ARHGEF3: variants seen among roughly 807,000 people sequenced by gnomAD.
ARHGEF3 encodes 59.8 kDA protein.
In ARHGEF3, 28 loss-of-function variants were observed where a neutral mutation model predicts 63.2. That is an observed-to-expected ratio of 0.44 (90% CI 0.33 to 0.61). ARHGEF3 has a LOEUF of 0.61. Ranked by LOEUF, ARHGEF3 falls within the 20% of genes least tolerant of loss-of-function variation. The probability of loss-of-function intolerance (pLI) is 0.03; values close to 1 mark genes in which losing one functional copy is unlikely to be tolerated. For missense variants in ARHGEF3, 533 were observed against 659.3 expected, an observed-to-expected ratio of 0.81 and a Z score of 2.10; for synonymous variants, 266 against 254.2, an observed-to-expected ratio of 1.05 and a Z score of -0.44.
At chr3:56,776,537 G>A (rs775021481) in intron 1 of ARHGEF3, among the ~76,000 whole-genome samples, 3 of 152,114 alleles carry the variant, frequency 2.0e-5, no homozygotes, top group African/African-American at 4.8e-5. Context: ...ATGAATTATG[G>A]TGTTCTCCTT....
At chr3:56,796,186 T>C (rs182340676) in intron 1 of ARHGEF3, among the ~76,000 whole-genome samples, 1 of 152,290 alleles carries the variant, frequency 6.6e-6, no homozygotes, top group African/African-American at 2.4e-5. Context: ...TCAATAACAA[T>C]TACATTTACA....
intron 2 of ARHGEF3, among the ~76,000 whole-genome samples, chr3:57,009,920 G>A (rs143989125): frequency 2.6e-5 from 4 of 152,186 alleles, no homozygotes; most frequent in East Asian, 3.9e-4. Flanking sequence ...GGGTATTCTC[G>A]TCATACCCAT....
chr3:57,043,946 G>A (rs1411296807), intron 1 of ARHGEF3, among the ~76,000 whole-genome samples: 1 of 152,228 alleles, frequency 6.6e-6, no homozygotes. Context: ...ATGGGAGATT[G>A]CTGGGGCAAG....
intron 1 of ARHGEF3, among the ~76,000 whole-genome samples, chr3:57,050,247 C>T (rs1419084896): frequency 6.6e-6 from 1 of 152,238 alleles, no homozygotes; most frequent in Non-Finnish European, 1.5e-5. Flanking sequence ...TAAACCTCTG[C>T]AAGGGTTTCC....
At chr3:56,927,279 A>C (rs537394019) in intron 3 of ARHGEF3, among the ~76,000 whole-genome samples, 9 of 152,330 alleles carry the variant, frequency 5.9e-5, no homozygotes, top group African/African-American at 2.2e-4. Flanking sequence ...TAACAATTGC[A>C]GTTTCCTAGA....
intron 2 of ARHGEF3, among the ~76,000 whole-genome samples, chr3:56,968,178 A>AT (rs1473982128): frequency 0.01 from 182 of 17,760 alleles, 3 homozygotes; most frequent in African/African-American, 0.022. Flanking sequence ...TAATATATAT[A>AT]AAAATATATA....
intron 4 of ARHGEF3, among the ~76,000 whole-genome samples, chr3:56,816,303 C>T (rs1248682213): frequency 1.3e-5 from 2 of 152,170 alleles, no homozygotes; most frequent in Non-Finnish European, 2.9e-5. Context: ...TTCTGTGCAA[C>T]CCTGGCCAAA....
intron 4 of ARHGEF3, among the ~76,000 whole-genome samples, chr3:56,872,337 T>A (rs1277187947): frequency 6.6e-6 from 1 of 152,204 alleles, no homozygotes; most frequent in Non-Finnish European, 1.5e-5. Flanking sequence ...TATAGATAAA[T>A]GTATATAAAC....
chr3:57,046,998 C>T (rs763035894), intron 1 of ARHGEF3, among the ~76,000 whole-genome samples: 1 of 152,158 alleles, frequency 6.6e-6, no homozygotes, highest in Non-Finnish European at 1.5e-5. Context: ...ATTAAAACAT[C>T]TATATTGCAA....
In ARHGEF3 at chr3:56,766,381, A is replaced by G. The variant is rs375459544; in HGVS notation, c.204+7328T>C. Among the ~76,000 whole-genome samples, 3 of 152,186 alleles carry G rather than the reference A, an allele frequency of 2.0e-5. No individual in the cohort carries two copies. In the East Asian group the frequency reaches 5.8e-4, roughly 29 times the overall value. Reference sequence around the variant, plus strand: ...AGAAACCCTTCTTTGCCATAGCAATACTTCCTGGAGGGGCTACAACTGGGG... The same window carrying G: ...AGAAACCCTTCTTTGCCATAGCAATGCTTCCTGGAGGGGCTACAACTGGGG... On this transcript the variant is annotated intron_variant, in intron 2 of 9. Transcript: ENST00000296315.
At chr3:57,016,962 A>C (rs952076252) in intron 2 of ARHGEF3, among the ~76,000 whole-genome samples, 1 of 151,750 alleles carries the variant, frequency 6.6e-6, no homozygotes, top group African/African-American at 2.4e-5. Context: ...GAAACAAGAC[A>C]CAGTGAGGCC....
chr3:56,752,892 C>A (rs2107763048), intron 4 of ARHGEF3, among the ~76,000 whole-genome samples: 1 of 152,328 alleles, frequency 6.6e-6, no homozygotes, highest in East Asian at 1.9e-4. Flanking sequence ...AGCCTTCCAA[C>A]CCTGTGATTC....
At chr3:56,754,174 T>C (rs1194894835) in intron 3 of ARHGEF3, among the ~76,000 whole-genome samples, 1 of 152,214 alleles carries the variant, frequency 6.6e-6, no homozygotes, top group East Asian at 1.9e-4. Context: ...GCGCTGGCTG[T>C]GTGGAAGAGT....
At chr3:57,073,892 C>T (rs1180729394) in intron 1 of ARHGEF3, 1 of 1,614,178 alleles carries the variant, frequency 6.2e-7, no homozygotes, top group Admixed American at 1.7e-5. Flanking sequence ...CAGCCTCTGC[C>T]CTCCCAGAGC....
At chr3:56,771,187 C>T (rs1395881937) in intron 2 of ARHGEF3, among the ~76,000 whole-genome samples, 1 of 152,104 alleles carries the variant, frequency 6.6e-6, no homozygotes, top group East Asian at 1.9e-4. Context: ...GTCAGATCCT[C>T]CTTTGGGTCT....
intron 4 of ARHGEF3, among the ~76,000 whole-genome samples, chr3:56,752,520 T>C (rs2034832311): frequency 6.6e-6 from 1 of 152,186 alleles, no homozygotes; most frequent in South Asian, 2.1e-4. Context: ...ATAAATGTTA[T>C]GTAAGAATAA....
intron 2 of ARHGEF3, among the ~76,000 whole-genome samples, chr3:56,765,734 G>A (rs545702184): frequency 6.6e-6 from 1 of 152,032 alleles, no homozygotes; most frequent in African/African-American, 2.4e-5. Context: ...CTTCCTTGAC[G>A]ACCCCTCAGG....
At chr3:57,008,128 TTC>T (rs1333206106) in intron 2 of ARHGEF3, among the ~76,000 whole-genome samples, 1 of 141,696 alleles carries the variant, frequency 7.1e-6, no homozygotes, top group South Asian at 2.2e-4. Context: ...GGGCAGAAAA[TTC>T]TCTGTTGAGC....
intron 3 of ARHGEF3, among the ~76,000 whole-genome samples, chr3:56,926,631 T>C (rs1286873649): frequency 3.9e-5 from 6 of 152,180 alleles, no homozygotes; most frequent in Admixed American, 1.3e-4. Flanking sequence ...ACACAGCCAT[T>C]CCCTCCTGTA....
Sources: gnomAD v4.1 joint callset for allele counts (sites outside exome capture counted in the v4.1 genomes callset) on GRCh38, gnomAD v4.1.1 for gene constraint, MANE v1.5 for transcripts, NCBI Gene and HGNC (gene_info 2026-07-23, HGNC 2026-07-21) for gene names.